The following CST3 variants were observed in gnomAD, a reference collection of about 807,000 sequenced individuals.
CST3 encodes the protein cystatin C.
In CST3, 14 loss-of-function variants were observed where a neutral mutation model predicts 9.0. The ratio of observed to expected loss-of-function variants is 1.56; its 90% CI spans 1.03 to 2.44. The LOEUF is 2.44. Ranked by LOEUF, CST3 falls within the 30% of genes most tolerant of loss-of-function variation. CST3 has a pLI of 0.00. For synonymous variants in CST3, 96 were observed against 90.2 expected, an observed-to-expected ratio of 1.06 and a Z score of -0.37; for missense variants, 237 against 204.3, an observed-to-expected ratio of 1.16 and a Z score of -0.98.
chr20:23,626,786 G>C (rs1178931290), exon 4 of CST3: 1 of 152,212 alleles, frequency 6.6e-6, no homozygotes, highest in Non-Finnish European at 1.5e-5. Context: ...TGCAAGGGGA[G>C]TTGATCTTGT....
chr20:23,636,182 C>T (rs1204589921), intron 1 of CST3, among the ~76,000 whole-genome samples: 1 of 152,166 alleles, frequency 6.6e-6, no homozygotes. Flanking sequence ...GGACCCTACA[C>T]CAGGGAATGG....
downstream of CST3, among the ~76,000 whole-genome samples, chr20:23,630,488 T>C (rs1979411818): frequency 6.6e-6 from 1 of 152,212 alleles, no homozygotes; most frequent in African/African-American, 2.4e-5. Context: ...CTTCTCAGTG[T>C]TGTGTCTTTG....
At chr20:23,636,799 C>T (rs6048960) in intron 1 of CST3, among the ~76,000 whole-genome samples, 1 of 152,188 alleles carries the variant, frequency 6.6e-6, no homozygotes, top group East Asian at 1.9e-4. Context: ...CAGGACAGGG[C>T]TGAACTCATG....
chr20:23,629,679 G>A (rs1249466163), downstream of CST3, among the ~76,000 whole-genome samples: 2 of 151,786 alleles, frequency 1.3e-5, no homozygotes, highest in Admixed American at 6.6e-5. Context: ...TGCGTGGACA[G>A]ATGGGGAATG....
At chr20:23,628,449 G>C (rs766322670) in exon 4 of CST3, 1 of 152,206 alleles carries the variant, frequency 6.6e-6, no homozygotes, top group Non-Finnish European at 1.5e-5. Flanking sequence ...CCTGCTACTT[G>C]TAAGGTCCAG....
chr20:23,637,802 C>T lies in CST3; in HGVS notation c.61G>A (p.Val21Met). The change falls in exon 1 of 3, where the codon GTG becomes ATG. Residue 21 changes from valine (V) to methionine (M), a missense_variant. Transcript: ENST00000376925. The stretch of plus-strand genomic sequence containing the variant: ...GGACTGGAGCCGGCCGCGGGGCTCA[C>T]GGCCAGGGCCACGGCCAGGATGGCC... ...LLAILAVALA[V>M]SPAAGSSPGK... is the part of the protein sequence containing the mutation. The T allele has an allele frequency of 1.3e-6, 2 of 1,516,930 alleles. No homozygotes were observed. The highest frequency in any genetic ancestry group is 2.7e-5 in the East Asian group (1 of 36,858). The allele number at this position is 1,516,930 out of a possible 1,614,324, so 94.0% of individuals were successfully genotyped here.
At chr20:23,630,124 C>G (rs1568701369), downstream of CST3, among the ~76,000 whole-genome samples, 2 of 152,186 alleles carry the variant, frequency 1.3e-5, no homozygotes, top group Non-Finnish European at 2.9e-5. Context: ...TCCAGTGGTT[C>G]CTTGGGGAAG....
At chr20:23,630,733 GC>G (rs1979421265), downstream of CST3, among the ~76,000 whole-genome samples, 1 of 148,464 alleles carries the variant, frequency 6.7e-6, no homozygotes, top group Admixed American at 6.7e-5. Context: ...AACATCCCAA[GC>G]CTCTAAGTCC....
chr20:23,629,311 G>C (rs1019902152), downstream of CST3: 3 of 152,252 alleles, frequency 2.0e-5, no homozygotes, highest in African/African-American at 7.2e-5. Context: ...GCTGGCCTCA[G>C]AGGTGTGTTT....
exon 4 of CST3, chr20:23,628,295 C>G (rs1411954698): frequency 6.6e-6 from 1 of 152,202 alleles, no homozygotes; most frequent in Non-Finnish European, 1.5e-5. Flanking sequence ...CACAGCTTAA[C>G]GATGAGCCCG....
At chr20:23,635,705 C>T (rs1029868939) in intron 1 of CST3, among the ~76,000 whole-genome samples, 1 of 152,358 alleles carries the variant, frequency 6.6e-6, no homozygotes, top group Admixed American at 6.5e-5. Flanking sequence ...CAGTTCCTGG[C>T]ATTCAGTCCA....
At chr20:23,637,055 G>C (rs539795129) in intron 1 of CST3, among the ~76,000 whole-genome samples, 6 of 152,312 alleles carry the variant, frequency 3.9e-5, no homozygotes, top group Admixed American at 3.9e-4. Flanking sequence ...AAGTGAGCTG[G>C]GGGGAACAAA....
At chr20:23,628,292 T>G (rs978593652) in exon 4 of CST3, 1 of 152,210 alleles carries the variant, frequency 6.6e-6, no homozygotes, top group Non-Finnish European at 1.5e-5. Flanking sequence ...GACCACAGCT[T>G]AACGATGAGC....
rs777555375 is a variant in CST3, at chr20:23,635,419, TAC to T, written c.244-54_244-53del. On this transcript the variant is annotated intron_variant, in intron 1 of 2. Coordinates refer to ENST00000376925, the MANE Select transcript of CST3 (RefSeq NM_000099.4). ...GGGACAGCACGTTCTGTCAGTTTCT[TAC>T]ACACACAGGCACTTCACTGTGACCG... 4 of 1,490,774 alleles carry T rather than the reference TAC, an allele frequency of 2.7e-6. No homozygotes were observed. The East Asian group carries it at 7.0e-5, about 26-fold the overall frequency. The allele number at this position is 1,490,774 out of a possible 1,614,324, so 92.3% of individuals were successfully genotyped here.
At position 23,634,458 on chromosome 20, in the gene CST3, C is replaced by G. The variant is rs578159771; in HGVS notation, c.358-459G>C. Among the ~76,000 whole-genome samples the G allele has an allele frequency of 8.7e-4, 132 of 152,240 alleles. No homozygotes were observed. In the Middle Eastern group the frequency reaches 0.02, roughly 24 times the overall value. ...AGGAGATGACAAGGAGAGTGTGGCT[C>G]TCCCCTGAGCAGAGACGTCACAAGA... On this transcript the variant is annotated intron_variant, in intron 2 of 2. Transcript: ENST00000376925.
chr20:23,635,569 G>A (rs2424579), intron 1 of CST3, among the ~76,000 whole-genome samples: 146,401 of 152,284 alleles, frequency 0.96, 70,661 homozygotes, highest in East Asian at 1. Flanking sequence ...AGGCCTCCCC[G>A]GTAACTTGTT....
At chr20:23,630,377 T>C (rs1979407997), downstream of CST3, among the ~76,000 whole-genome samples, 1 of 152,170 alleles carries the variant, frequency 6.6e-6, no homozygotes, top group African/African-American at 2.4e-5. Flanking sequence ...GTGACAGGAT[T>C]TGGAAGTGAC....
downstream of CST3, among the ~76,000 whole-genome samples, chr20:23,632,647 C>A (rs1476103198): frequency 6.6e-6 from 1 of 152,184 alleles, no homozygotes; most frequent in African/African-American, 2.4e-5. Context: ...TTTCCTTCAT[C>A]ATTTCACCTT....
downstream of CST3, among the ~76,000 whole-genome samples, chr20:23,633,351 G>T (rs1319063016): frequency 6.6e-6 from 1 of 152,012 alleles, no homozygotes; most frequent in African/African-American, 2.4e-5. Flanking sequence ...CTCCTGGTCT[G>T]ACCAGCAGCT....
Sources: allele counts gnomAD v4.1 joint callset (sites outside exome capture counted in the v4.1 genomes callset), GRCh38; gene constraint gnomAD v4.1.1; transcripts MANE v1.5; gene names NCBI Gene and HGNC (gene_info 2026-07-23, HGNC 2026-07-21).